The following CREB5 variants were observed in gnomAD, a reference collection of about 807,000 sequenced individuals.
The protein encoded by CREB5 is cyclic AMP-responsive element-binding protein 5.
Under a neutral mutation model 57.1 loss-of-function variants are expected in CREB5, and 19 were observed. The observed-to-expected ratio is 0.33, with a 90% CI of 0.23 to 0.49. The LOEUF is 0.49. Among genes scored for constraint, CREB5 ranks in the 20% least tolerant of loss-of-function variants. CREB5 has a pLI of 0.99. For synonymous variants in CREB5, 238 were observed against 238.3 expected (o/e 1.00, Z 0.01); for missense variants, 579 against 671.6 (o/e 0.86, Z 1.52).
chr7:28,812,933 A>G (rs1472747377), intron 9 of CREB5, among the ~76,000 whole-genome samples: 1 of 152,238 alleles, frequency 6.6e-6, no homozygotes, highest in Non-Finnish European at 1.5e-5. Context: ...TTTCCAGCGT[A>G]GAACCCTCTA....
intron 1 of CREB5, among the ~76,000 whole-genome samples, chr7:28,483,089 C>A (rs10263534): frequency 6.6e-6 from 1 of 152,064 alleles, no homozygotes; most frequent in South Asian, 2.1e-4. Context: ...ATTTATCCCC[C>A]CTCTGGGCTT....
At chr7:28,391,376 G>T (rs758391933) in intron 1 of CREB5, among the ~76,000 whole-genome samples, 1 of 152,136 alleles carries the variant, frequency 6.6e-6, no homozygotes, top group African/African-American at 2.4e-5. Flanking sequence ...CTCACTGGTC[G>T]TTTAATTGGA....
intron 5 of CREB5, among the ~76,000 whole-genome samples, chr7:28,627,897 A>G (rs1240004448): frequency 6.6e-6 from 1 of 152,124 alleles, no homozygotes; most frequent in Non-Finnish European, 1.5e-5. Flanking sequence ...GGCTATTGTT[A>G]TGGTGTGAGG....
rs1041228486 is a variant in CREB5, at chr7:28,819,896, C to T, written c.*617C>T. The T allele has an allele frequency of 6.6e-6, 1 of 151,778 alleles. No individual in the cohort carries two copies. The highest frequency in any genetic ancestry group is 1.5e-5 in the Non-Finnish European group (1 of 67,984). The allele number at this position is 151,778 out of a possible 1,614,324, so 9.4% of individuals were successfully genotyped here. On this transcript the variant is annotated 3_prime_UTR_variant, in exon 11 of 11. Transcript: ENST00000357727. ...TAATGCCCAGTTTTCTTCTCCATTT[C>T]CACTTTTTCTTAGGCTCCCTATTTA...
At chr7:28,466,336 CT>C (rs1205227758) in intron 1 of CREB5, among the ~76,000 whole-genome samples, 2 of 151,476 alleles carry the variant, frequency 1.3e-5, no homozygotes, top group Non-Finnish European at 2.9e-5. Flanking sequence ...GGAATTTTCA[CT>C]GCTGCAAGGG....
At chr7:28,665,589 G>T (rs1225888038) in intron 5 of CREB5, among the ~76,000 whole-genome samples, 1 of 152,144 alleles carries the variant, frequency 6.6e-6, no homozygotes, top group African/African-American at 2.4e-5. Flanking sequence ...AAAGTAGGGG[G>T]AAAAACAGAC....
intron 7 of CREB5, among the ~76,000 whole-genome samples, chr7:28,743,030 G>A (rs995925927): frequency 7.9e-5 from 12 of 152,070 alleles, no homozygotes; most frequent in South Asian, 4.1e-4. Flanking sequence ...GTGATCTGCC[G>A]GCGTCGGCCT....
intron 7 of CREB5, among the ~76,000 whole-genome samples, chr7:28,798,685 C>T (rs1160033464): frequency 1.3e-5 from 2 of 152,208 alleles, no homozygotes; most frequent in Non-Finnish European, 2.9e-5. Flanking sequence ...CTGAAACTAC[C>T]TGTGCGTCAG....
At chr7:28,477,901 GC>G (rs1278375957) in intron 1 of CREB5, among the ~76,000 whole-genome samples, 3 of 152,164 alleles carry the variant, frequency 2.0e-5, no homozygotes, top group Non-Finnish European at 4.4e-5. Context: ...GATTGCTTGA[GC>G]CCGGGAGTTT....
At chr7:28,464,443 T>C (rs1790472696) in intron 1 of CREB5, among the ~76,000 whole-genome samples, 1 of 151,614 alleles carries the variant, frequency 6.6e-6, no homozygotes, top group Admixed American at 6.6e-5. Flanking sequence ...AAATATTTGG[T>C]AGAATTTAGC....
chr7:28,760,395 G>A (rs1413892972), intron 7 of CREB5, among the ~76,000 whole-genome samples: 1 of 152,220 alleles, frequency 6.6e-6, no homozygotes, highest in African/African-American at 2.4e-5. Context: ...AGTGGGGAAA[G>A]ATGTTTACAA....
chr7:28,553,038 A>G (rs920487571), intron 4 of CREB5, among the ~76,000 whole-genome samples: 1 of 152,170 alleles, frequency 6.6e-6, no homozygotes, highest in Admixed American at 6.5e-5. Context: ...CATGCCAATA[A>G]TACACCTTCA....
intron 4 of CREB5, among the ~76,000 whole-genome samples, chr7:28,517,553 C>T (rs572051404): frequency 9.9e-5 from 15 of 152,258 alleles, no homozygotes; most frequent in South Asian, 8.3e-4. Flanking sequence ...GTTGATCAAA[C>T]GGTGGATTTT....
intron 1 of CREB5, among the ~76,000 whole-genome samples, chr7:28,368,002 A>G (rs750549810): frequency 1.4e-4 from 22 of 152,052 alleles, no homozygotes; most frequent in Admixed American, 5.2e-4. Context: ...TACCCCACCA[A>G]TGATCTATGC....
chr7:28,558,083 A>G (rs1794946279), intron 4 of CREB5, among the ~76,000 whole-genome samples: 1 of 152,220 alleles, frequency 6.6e-6, no homozygotes, highest in South Asian at 2.1e-4. Context: ...CCTGTGCTAC[A>G]TAACAAATGC....
intron 4 of CREB5, among the ~76,000 whole-genome samples, chr7:28,528,968 A>G (rs1202009431): frequency 6.6e-6 from 1 of 152,196 alleles, no homozygotes; most frequent in Non-Finnish European, 1.5e-5. Context: ...AGGGTAGAAC[A>G]TCAATTGACT....
chr7:28,459,201 C>T (rs373120747), intron 1 of CREB5, among the ~76,000 whole-genome samples: 38 of 152,124 alleles, frequency 2.5e-4, no homozygotes, highest in Middle Eastern at 3.4e-3. Flanking sequence ...TGTGTGTGTG[C>T]GGGGGAGTCT....
chr7:28,746,789 G>A (rs2128760880), intron 7 of CREB5, among the ~76,000 whole-genome samples: 1 of 152,156 alleles, frequency 6.6e-6, no homozygotes, highest in East Asian at 1.9e-4. Context: ...ACTCCCACTG[G>A]GTACACAACT....
intron 1 of CREB5, among the ~76,000 whole-genome samples, chr7:28,366,935 T>C (rs1158752501): frequency 4.6e-5 from 7 of 152,196 alleles, no homozygotes; most frequent in Non-Finnish European, 8.8e-5. Flanking sequence ...GGAGAACATC[T>C]TTATTTTATT....
Sources: allele counts gnomAD v4.1 joint callset (sites outside exome capture counted in the v4.1 genomes callset), GRCh38; gene constraint gnomAD v4.1.1; transcripts MANE v1.5; gene names NCBI Gene and HGNC (gene_info 2026-07-23, HGNC 2026-07-21).